The following RAB27B variants were observed in gnomAD, a reference collection of about 807,000 sequenced individuals.
RAB27B encodes the protein ras-related protein Rab-27B.
In RAB27B, 15 loss-of-function variants were observed where a neutral mutation model predicts 24.6. The observed-to-expected ratio is 0.61, with a 90% CI of 0.41 to 0.94. The LOEUF is 0.94. Among genes scored for constraint, RAB27B ranks in the 40% least tolerant of loss-of-function variants. The probability of loss-of-function intolerance (pLI) is 0.00; values close to 1 mark genes in which losing one functional copy is unlikely to be tolerated. For synonymous variants in RAB27B, 105 were observed against 92.5 expected, an observed-to-expected ratio of 1.14 and a Z score of -0.78; for missense variants, 261 against 266.8, an observed-to-expected ratio of 0.98 and a Z score of 0.15.
At chr18:54,785,717 A>C (rs1226050570) in intron 2 of RAB27B, among the ~76,000 whole-genome samples, 1 of 152,156 alleles carries the variant, frequency 6.6e-6, no homozygotes, top group Non-Finnish European at 1.5e-5. Context: ...GGAACATGAA[A>C]GGTATTAAAT....
At chr18:54,831,745 G>A (rs1351953568) in intron 1 of RAB27B, among the ~76,000 whole-genome samples, 1 of 151,830 alleles carries the variant, frequency 6.6e-6, no homozygotes, top group Non-Finnish European at 1.5e-5. Flanking sequence ...TGATTCGGTG[G>A]TCAAGAAAAG....
chr18:54,824,861 A>G (rs1910423301), upstream of RAB27B, among the ~76,000 whole-genome samples: 3 of 151,806 alleles, frequency 2.0e-5, no homozygotes, highest in Admixed American at 2.0e-4. Context: ...ACTGCAAGCC[A>G]TCTGTTCACC....
At chr18:54,778,952 G>A (rs905649084) in intron 2 of RAB27B, among the ~76,000 whole-genome samples, 1 of 151,206 alleles carries the variant, frequency 6.6e-6, no homozygotes, top group African/African-American at 2.4e-5. Flanking sequence ...CAATTCTTCT[G>A]CCTCAGCCTC....
chr18:54,759,660 G>A (rs1908119456), intron 2 of RAB27B, among the ~76,000 whole-genome samples: 1 of 152,158 alleles, frequency 6.6e-6, no homozygotes, highest in African/African-American at 2.4e-5. Flanking sequence ...CAAATGCGCT[G>A]TTTGGCCCAC....
At chr18:54,778,306 C>A (rs1389674505) in intron 2 of RAB27B, among the ~76,000 whole-genome samples, 2 of 151,974 alleles carry the variant, frequency 1.3e-5, no homozygotes, top group Non-Finnish European at 2.9e-5. Flanking sequence ...TCCACTGTTT[C>A]TCCACGTCCT....
At chr18:54,737,787 T>TTA (rs1401690174) in intron 2 of RAB27B, among the ~76,000 whole-genome samples, 46 of 152,316 alleles carry the variant, frequency 3.0e-4, no homozygotes, top group African/African-American at 1.1e-3. Context: ...CATATCTAAA[T>TTA]TATTTGACTA....
Position 54,808,333 on chromosome 18 carries a change from C to T in RAB27B, c.-19-69234C>T, listed in dbSNP as rs146481779. Among the ~76,000 whole-genome samples the T allele has an allele frequency of 1.2e-3, 186 of 152,290 alleles. 1 individual carries two copies. The highest frequency in any genetic ancestry group is 4.3e-3 in the African/African-American group (180 of 41,554). On this transcript the variant is annotated intron_variant, in intron 2 of 4. Coordinates refer to the RAB27B transcript ENST00000586570. ...CATGGCATCTCCAATTCAATCCACA[C>T]TCTCGTGATCACTGAGGCCCACTGT...
chr18:54,846,120 G>T (rs1158581664), intron 1 of RAB27B, among the ~76,000 whole-genome samples: 2 of 152,140 alleles, frequency 1.3e-5, no homozygotes, highest in African/African-American at 4.8e-5. Flanking sequence ...GCGCTTGAGG[G>T]ACTGTCTAAT....
At chr18:54,738,496 TA>T (rs1388066163) in intron 2 of RAB27B, among the ~76,000 whole-genome samples, 1 of 152,132 alleles carries the variant, frequency 6.6e-6, no homozygotes, top group Admixed American at 6.6e-5. Flanking sequence ...TGCTGCCATG[TA>T]AAACATGCCT....
intron 2 of RAB27B, among the ~76,000 whole-genome samples, chr18:54,723,100 C>G (rs532061052): frequency 2.0e-5 from 3 of 152,290 alleles, no homozygotes; most frequent in Admixed American, 6.5e-5. Context: ...CCCTGAGTGG[C>G]AGCCACAGAC....
upstream of RAB27B, among the ~76,000 whole-genome samples, chr18:54,824,402 G>C (rs1260876135): frequency 6.6e-6 from 1 of 152,140 alleles, no homozygotes; most frequent in African/African-American, 2.4e-5. Context: ...AATCTTCGTG[G>C]CATCATACAA....
intron 2 of RAB27B, among the ~76,000 whole-genome samples, chr18:54,774,468 A>G (rs1235314789): frequency 1.3e-5 from 2 of 152,262 alleles, no homozygotes; most frequent in East Asian, 1.9e-4. Context: ...GGGTAGAACC[A>G]GAATCCAAAC....
intron 2 of RAB27B, among the ~76,000 whole-genome samples, chr18:54,751,684 C>A (rs1194910714): frequency 1.3e-5 from 2 of 152,074 alleles, no homozygotes; most frequent in East Asian, 1.9e-4. Flanking sequence ...TGAGAATACA[C>A]AAAGTATGAC....
At chr18:54,726,865 G>A (rs1909554286) in intron 2 of RAB27B, among the ~76,000 whole-genome samples, 1 of 143,826 alleles carries the variant, frequency 7.0e-6, no homozygotes, top group Non-Finnish European at 1.6e-5. Context: ...CTGCTAATGG[G>A]TTTTGCATGT....
chr18:54,855,816 C>T (rs1185491007), intron 1 of RAB27B, among the ~76,000 whole-genome samples: 1 of 152,144 alleles, frequency 6.6e-6, no homozygotes, highest in African/African-American at 2.4e-5. Context: ...ATACAAGGTA[C>T]CTTTGAGTAA....
At chr18:54,812,593 A>ACACT (rs1555658878) in intron 2 of RAB27B, among the ~76,000 whole-genome samples, 2 of 143,102 alleles carry the variant, frequency 1.4e-5, no homozygotes, top group African/African-American at 5.2e-5. Context: ...ACACACACAC[A>ACACT]CTCTTATGAA....
chr18:54,778,445 C>T (rs1908784645), intron 2 of RAB27B, among the ~76,000 whole-genome samples: 1 of 152,180 alleles, frequency 6.6e-6, no homozygotes, highest in Non-Finnish European at 1.5e-5. Flanking sequence ...CCCTGTGAAC[C>T]TGTAAAGGGA....
rs1342886031 is a variant in RAB27B at position 54,780,596 on chromosome 18, C to T, written c.-20+62455C>T. ...AATGTCTGTTTCCTAAACTCCTTTT[C>T]CAGTAAGGACACCATTCGTATTGGA... On this transcript the variant is annotated intron_variant, in intron 2 of 4. Transcript: ENST00000586570. 2.0e-5 allele frequency among the ~76,000 whole-genome samples: 3 copies of T among 152,190 alleles called. No homozygotes were observed. In the East Asian group the frequency reaches 5.8e-4, roughly 29 times the overall value.
intron 1 of RAB27B, among the ~76,000 whole-genome samples, chr18:54,857,641 C>A (rs1268111573): frequency 6.6e-6 from 1 of 152,172 alleles, no homozygotes; most frequent in Non-Finnish European, 1.5e-5. Flanking sequence ...ATGATGGGTG[C>A]ATGCTTGATG....
Sources: gnomAD v4.1 joint callset for allele counts (sites outside exome capture counted in the v4.1 genomes callset) on GRCh38, gnomAD v4.1.1 for gene constraint, MANE v1.5 for transcripts, NCBI Gene and HGNC (gene_info 2026-07-23, HGNC 2026-07-21) for gene names.